The following GRM8 variants were observed in gnomAD, a reference collection of about 807,000 sequenced individuals.
GRM8 encodes glutamate metabotropic receptor 8, also known as metabotropic glutamate receptor 8.
GRM8 carries 47 observed loss-of-function variants against 87.2 expected under a neutral mutation model. The observed-to-expected ratio is 0.54, with a 90% CI of 0.43 to 0.69. GRM8 has a LOEUF of 0.69. GRM8 is among the 30% of genes least tolerant of loss of function. The probability of loss-of-function intolerance (pLI) is 0.00; values close to 1 mark genes in which losing one functional copy is unlikely to be tolerated. For missense variants in GRM8, 1,019 were observed against 1,139.2 expected, an observed-to-expected ratio of 0.89 and a Z score of 1.52; for synonymous variants, 396 against 404.5, an observed-to-expected ratio of 0.98 and a Z score of 0.25.
intron 5 of GRM8, 25 bp from the exon 6 acceptor site, chr7:126,902,704 T>C (rs202206562): frequency 2.0e-6 from 3 of 1,496,532 alleles, no homozygotes; most frequent in Middle Eastern, 1.8e-4. Context: ...AAAGGTATGA[T>C]TTTAATATTC....
At chr7:126,648,405 G>A (rs1803418224) in intron 7 of GRM8, among the ~76,000 whole-genome samples, 1 of 152,056 alleles carries the variant, frequency 6.6e-6, no homozygotes, top group Non-Finnish European at 1.5e-5. Context: ...AGTATTTTAT[G>A]CCTAATGTAG....
At chr7:127,078,501 T>A (rs1004390504) in intron 3 of GRM8, among the ~76,000 whole-genome samples, 1 of 152,238 alleles carries the variant, frequency 6.6e-6, no homozygotes, top group African/African-American at 2.4e-5. Flanking sequence ...CTGAGGGCAA[T>A]CATAACTCTT....
At chr7:127,150,669 CTTAAAGTGATGGCATGGGA>C (rs1422407154) in intron 2 of GRM8, among the ~76,000 whole-genome samples, 2 of 152,096 alleles carry the variant, frequency 1.3e-5, no homozygotes, top group Non-Finnish European at 2.9e-5. Flanking sequence ...AAACACACCA[CTTAAAGTGATGGCATGGGA>C]TTCAAAATGA....
At chr7:126,773,040 AG>A (rs1227482707) in intron 6 of GRM8, among the ~76,000 whole-genome samples, 1 of 152,114 alleles carries the variant, frequency 6.6e-6, no homozygotes, top group South Asian at 2.1e-4. Context: ...AGAAAGCAGT[AG>A]GAAGAAAAAG....
chr7:126,875,743 T>C (rs1049712140), intron 6 of GRM8, among the ~76,000 whole-genome samples: 1 of 152,002 alleles, frequency 6.6e-6, no homozygotes, highest in African/African-American at 2.4e-5. Flanking sequence ...TCAGACACCA[T>C]CACTTCTCAC....
At chr7:126,980,062 T>G (rs1012571196) in intron 3 of GRM8, among the ~76,000 whole-genome samples, 2 of 152,266 alleles carry the variant, frequency 1.3e-5, no homozygotes, top group Non-Finnish European at 2.9e-5. Flanking sequence ...CATGCGCTAC[T>G]GGACAGTGTG....
At chr7:126,783,518 C>T (rs765907367) in intron 6 of GRM8, among the ~76,000 whole-genome samples, 2 of 152,154 alleles carry the variant, frequency 1.3e-5, no homozygotes, top group Non-Finnish European at 2.9e-5. Flanking sequence ...CCTAGCCCTA[C>T]CTGCTTTTTT....
intron 7 of GRM8, among the ~76,000 whole-genome samples, chr7:126,617,065 C>T (rs1269144842): frequency 2.0e-5 from 3 of 152,166 alleles, no homozygotes; most frequent in Non-Finnish European, 2.9e-5. Flanking sequence ...CTGGCAGAGA[C>T]ACAACCAAAA....
intron 6 of GRM8, among the ~76,000 whole-genome samples, chr7:126,854,070 C>T (rs412791): frequency 0.66 from 100,561 of 151,872 alleles, 33,704 homozygotes; most frequent in African/African-American, 0.76. Flanking sequence ...GAAAGGGAAC[C>T]GGGAAAACCA....
intron 3 of GRM8, among the ~76,000 whole-genome samples, chr7:126,910,959 G>A (rs1803222000): frequency 6.6e-6 from 1 of 152,132 alleles, no homozygotes; most frequent in African/African-American, 2.4e-5. Context: ...CTGTAATGAG[G>A]TTCATAATAA....
At chr7:126,690,193 C>T (rs888720425) in intron 7 of GRM8, among the ~76,000 whole-genome samples, 7 of 152,178 alleles carry the variant, frequency 4.6e-5, no homozygotes, top group African/African-American at 1.2e-4. Flanking sequence ...TGCTCGGGCC[C>T]GCTAGGCTCA....
At chr7:126,901,876 T>C (rs1350661985) in intron 6 of GRM8, among the ~76,000 whole-genome samples, 2 of 152,184 alleles carry the variant, frequency 1.3e-5, no homozygotes, top group Admixed American at 6.5e-5. Flanking sequence ...TGAATGTTTA[T>C]ATTGACCTCA....
chr7:126,653,252 C>T (rs893536852), intron 7 of GRM8, among the ~76,000 whole-genome samples: 17 of 144,660 alleles, frequency 1.2e-4, no homozygotes, highest in Non-Finnish European at 1.5e-5. Flanking sequence ...CAGTGAGCTA[C>T]GATTGCCACT....
chr7:127,025,228 T>G (rs1816659184), intron 3 of GRM8, among the ~76,000 whole-genome samples: 1 of 152,068 alleles, frequency 6.6e-6, no homozygotes, highest in Non-Finnish European at 1.5e-5. Context: ...CAAGGTAGAC[T>G]ACAGGGTCTT....
At chr7:126,543,518 A>G (rs1156447339) in intron 8 of GRM8, among the ~76,000 whole-genome samples, 1 of 152,200 alleles carries the variant, frequency 6.6e-6, no homozygotes, top group Non-Finnish European at 1.5e-5. Flanking sequence ...GGCATCAATA[A>G]CTATTTTTGA....
At chr7:126,904,327 C>CT (rs1236223651) in intron 4 of GRM8, among the ~76,000 whole-genome samples, 1 of 152,288 alleles carries the variant, frequency 6.6e-6, no homozygotes, top group Non-Finnish European at 1.5e-5. Flanking sequence ...GTTAATTAGC[C>CT]TTATCCTTAA....
At chr7:126,712,468 G>T (rs1394250736) in intron 7 of GRM8, among the ~76,000 whole-genome samples, 1 of 152,012 alleles carries the variant, frequency 6.6e-6, no homozygotes, top group African/African-American at 2.4e-5. Flanking sequence ...CATGATGTTG[G>T]AAAAACAGCA....
chr7:126,944,761 A>G (rs1026479876), intron 3 of GRM8, among the ~76,000 whole-genome samples: 1 of 152,222 alleles, frequency 6.6e-6, no homozygotes, highest in Non-Finnish European at 1.5e-5. Context: ...AAATACATAA[A>G]GAACTTACAA....
intron 8 of GRM8, among the ~76,000 whole-genome samples, chr7:126,535,004 G>T (rs772371274): frequency 1.3e-5 from 2 of 152,124 alleles, no homozygotes; most frequent in Non-Finnish European, 2.9e-5. Context: ...TGGAAGTACT[G>T]GGATATGGAA....
Sources: gnomAD v4.1 joint callset for allele counts (sites outside exome capture counted in the v4.1 genomes callset) on GRCh38, gnomAD v4.1.1 for gene constraint, MANE v1.5 for transcripts, NCBI Gene and HGNC (gene_info 2026-07-23, HGNC 2026-07-21) for gene names.